CCM2: variants seen among roughly 807,000 people sequenced by gnomAD.
CCM2 encodes cerebral cavernous malformations 2 protein.
Under a neutral mutation model 44.9 loss-of-function variants are expected in CCM2, and 25 were observed. The ratio of observed to expected loss-of-function variants is 0.56; its 90% CI spans 0.41 to 0.78. CCM2 has a LOEUF of 0.78. CCM2 is among the 30% of genes least tolerant of loss of function. The probability of loss-of-function intolerance (pLI) is 0.00; values close to 1 mark genes in which losing one functional copy is unlikely to be tolerated. For missense variants in CCM2, 481 were observed against 580.6 expected, an observed-to-expected ratio of 0.83 and a Z score of 1.76; for synonymous variants, 219 against 241.1, an observed-to-expected ratio of 0.91 and a Z score of 0.85.
At chr7:45,026,958 CAG>C (rs1796715625) in intron 1 of CCM2, 1 of 152,816 alleles carries the variant, frequency 6.5e-6, no homozygotes, top group African/African-American at 2.4e-5. Context: ...CTGGAATTAT[CAG>C]AGTTCTAAGA....
intron 1 of CCM2, among the ~76,000 whole-genome samples, chr7:45,014,204 A>G (rs868529176): frequency 9.1e-4 from 138 of 152,052 alleles, no homozygotes; most frequent in African/African-American, 3.2e-3. Flanking sequence ...CAGTGGCACA[A>G]TCTTGGCTCA....
chr7:45,021,436 T>C (rs893377526), intron 1 of CCM2, among the ~76,000 whole-genome samples: 1 of 151,414 alleles, frequency 6.6e-6, no homozygotes, highest in South Asian at 2.1e-4. Context: ...TGGTGACACA[T>C]GCCTGTAATC....
At chr7:45,061,156 C>T (rs1408638457) in intron 2 of CCM2, among the ~76,000 whole-genome samples, 1 of 152,076 alleles carries the variant, frequency 6.6e-6, no homozygotes, top group Non-Finnish European at 1.5e-5. Context: ...GGTGTGCATC[C>T]CTGTTATTAC....
intron 6 of CCM2, chr7:45,071,289 CT>C (rs1011620697): frequency 6.6e-6 from 1 of 152,248 alleles, no homozygotes; most frequent in African/African-American, 2.4e-5. Flanking sequence ...GCCTTTTTTT[CT>C]TTAATAATTT....
At chr7:45,009,712 C>A (rs1795992923) in intron 1 of CCM2, among the ~76,000 whole-genome samples, 1 of 152,140 alleles carries the variant, frequency 6.6e-6, no homozygotes, top group Non-Finnish European at 1.5e-5. Context: ...CCTGGCTATA[C>A]TTGTTTTATC....
Position 45,068,532 on chromosome 7 carries a change from G to T in CCM2, c.562G>T (p.Gly188Trp). 1 of 1,614,168 alleles carries T rather than the reference G, an allele frequency of 6.2e-7. No homozygotes were observed. The highest frequency in any genetic ancestry group is 8.5e-7 in the Non-Finnish European group (1 of 1,180,022). The change falls in exon 5 of 10, where the codon GGG becomes TGG. Residue 188 changes from glycine to tryptophan, a missense_variant. Physicochemically the swap from Gly to Trp is radical, Grantham distance 184 (BLOSUM62 -2). Coordinates refer to ENST00000258781, the MANE Select transcript of CCM2 (RefSeq NM_031443.4). The part of the protein sequence containing the change: ...SAGSLSESAV[G>W]PVEACCLVIL... ...AGGCTCCCTGTCGGAGAGTGCAGTT[G>T]GGCCCGTGGAGGCATGCTGCCTGGT...
chr7:45,020,020 C>T (rs1796422331), intron 1 of CCM2, among the ~76,000 whole-genome samples: 1 of 152,144 alleles, frequency 6.6e-6, no homozygotes, highest in Non-Finnish European at 1.5e-5. Context: ...GTGGGTTCCT[C>T]CTTTCCTATA....
At chr7:45,014,482 A>C (rs1324511248) in intron 1 of CCM2, among the ~76,000 whole-genome samples, 1 of 151,372 alleles carries the variant, frequency 6.6e-6, no homozygotes, top group Non-Finnish European at 1.5e-5. Flanking sequence ...CGCATAACAA[A>C]ATTTACTATC....
At chr7:45,035,990 A>C (rs1797200734) in intron 1 of CCM2, among the ~76,000 whole-genome samples, 1 of 152,174 alleles carries the variant, frequency 6.6e-6, no homozygotes, top group Admixed American at 6.5e-5. Flanking sequence ...TGCCTGTGGC[A>C]CTTCTCTAAG....
At position 45,000,238 on chromosome 7, in the gene CCM2, C is replaced by T. The variant is rs1322377391; in HGVS notation, c.-96C>T. 16 of 726,784 alleles carry T rather than the reference C, an allele frequency of 2.2e-5. No homozygotes were observed. The Admixed American group carries it at 1.2e-3, about 56-fold the overall frequency. The allele number at this position is 726,784 out of a possible 1,614,324, so 45.0% of individuals were successfully genotyped here. A position where few individuals can be genotyped will look rare whatever the true frequency, so the allele number is the denominator to read the frequency against. ...CCCGGCTGGCGGGCGGCGCCGGGAGCGCGGGGGCGGCGGGCCCGGGTCGAG... is the reference window on the plus strand; with the variant it reads ...CCCGGCTGGCGGGCGGCGCCGGGAGTGCGGGGGCGGCGGGCCCGGGTCGAG... On this transcript the variant is annotated 5_prime_UTR_variant, in exon 1 of 10. Transcript: ENST00000258781.
intron 1 of CCM2, among the ~76,000 whole-genome samples, chr7:45,017,233 A>G (rs931359170): frequency 2.0e-5 from 3 of 152,240 alleles, no homozygotes; most frequent in Non-Finnish European, 4.4e-5. Flanking sequence ...TGTTCTTTGC[A>G]TTCCATGTTC....
intron 4 of CCM2, among the ~76,000 whole-genome samples, chr7:45,064,865 A>G (rs945047031): frequency 2.0e-4 from 31 of 152,190 alleles, no homozygotes; most frequent in Non-Finnish European, 4.4e-4. Context: ...TGGGGACTCA[A>G]TAATACTGGG....
chr7:45,033,229 T>C (rs1358322359), intron 1 of CCM2, among the ~76,000 whole-genome samples: 2 of 152,036 alleles, frequency 1.3e-5, no homozygotes, highest in Admixed American at 6.6e-5. Context: ...GGTCTCTCTT[T>C]AGGGGTGGGA....
intron 4 of CCM2, among the ~76,000 whole-genome samples, chr7:45,066,035 A>G (rs1187265799): frequency 6.6e-6 from 1 of 152,182 alleles, no homozygotes; most frequent in African/African-American, 2.4e-5. Flanking sequence ...CTTCTGCTGC[A>G]TGACAGTTTC....
chr7:45,070,005 A>G, intron 6 of CCM2, 44 bp downstream of exon 6: 1 of 1,608,910 alleles, frequency 6.2e-7, no homozygotes, highest in Non-Finnish European at 8.5e-7. Flanking sequence ...CAGGGACAGG[A>G]GGGGCTACTG....
intron 2 of CCM2, among the ~76,000 whole-genome samples, chr7:45,045,793 AAAAAC>A (rs760413623): frequency 7.2e-5 from 11 of 152,342 alleles, no homozygotes; most frequent in East Asian, 1.9e-4. Context: ...TTTGCCTCAA[AAAAAC>A]AAAACAAAAC....
intron 1 of CCM2, among the ~76,000 whole-genome samples, 191 bp from the exon 2 acceptor site, chr7:45,038,062 C>T (rs1235013593): frequency 6.6e-6 from 1 of 152,160 alleles, no homozygotes; most frequent in Non-Finnish European, 1.5e-5. Context: ...CCCACCGTGC[C>T]GGCCTGCGTG....
chr7:45,026,553 G>T (rs1796696620), intron 1 of CCM2, among the ~76,000 whole-genome samples: 1 of 144,490 alleles, frequency 6.9e-6, no homozygotes, highest in South Asian at 2.2e-4. Flanking sequence ...TATTGTAATT[G>T]TTATGTTTAT....
chr7:45,021,518 C>T (rs1201703728), intron 1 of CCM2, among the ~76,000 whole-genome samples: 7 of 150,932 alleles, frequency 4.6e-5, no homozygotes, highest in African/African-American at 9.7e-5. Flanking sequence ...GAGCTGAGAT[C>T]GCGCCACTGC....
Sources: gnomAD v4.1 joint callset for allele counts (sites outside exome capture counted in the v4.1 genomes callset) on GRCh38, gnomAD v4.1.1 for gene constraint, MANE v1.5 for transcripts, NCBI Gene and HGNC (gene_info 2026-07-23, HGNC 2026-07-21) for gene names.